SUFU: variants seen among roughly 807,000 people sequenced by gnomAD.
SUFU encodes SUFU negative regulator of hedgehog signaling.
In SUFU, 7 loss-of-function variants were observed where a neutral mutation model predicts 58.9. The observed-to-expected ratio is 0.12, with a 90% CI of 0.07 to 0.22. SUFU has a LOEUF of 0.22. SUFU is among the 10% of genes least tolerant of loss of function. The pLI, the probability that SUFU is intolerant of heterozygous loss-of-function variation, is 1.00. For missense variants in SUFU, 451 were observed against 641.3 expected, an observed-to-expected ratio of 0.70 and a Z score of 3.20; for synonymous variants, 232 against 254.8, an observed-to-expected ratio of 0.91 and a Z score of 0.85.
intron 2 of SUFU, among the ~76,000 whole-genome samples, chr10:102,528,335 C>T (rs964027630): frequency 6.6e-6 from 1 of 151,954 alleles, no homozygotes; most frequent in Non-Finnish European, 1.5e-5. Context: ...TTTGGGAGGC[C>T]GAGGTAGGAG....
intron 11 of SUFU, among the ~76,000 whole-genome samples, chr10:102,627,682 T>G (rs2063798339): frequency 6.6e-6 from 1 of 152,182 alleles, no homozygotes; most frequent in Admixed American, 6.5e-5. Context: ...ACTCCTGCTC[T>G]CGCCTCGGGC....
intron 3 of SUFU, among the ~76,000 whole-genome samples, chr10:102,563,628 T>C (rs943802411): frequency 6.6e-5 from 10 of 151,670 alleles, no homozygotes; most frequent in African/African-American, 2.2e-4. Context: ...GCCAGGATCA[T>C]GCCACTGCAG....
intron 2 of SUFU, among the ~76,000 whole-genome samples, chr10:102,547,763 A>G (rs1564675475): frequency 1.3e-5 from 2 of 152,108 alleles, no homozygotes; most frequent in African/African-American, 2.4e-5. Context: ...TCAAGGCTAC[A>G]GTGAGCCATG....
Position 102,552,310 on chromosome 10 carries a change from A to G in SUFU, c.454+2204A>G, listed in dbSNP as rs988368376. ...ATTAGCCAGGTGTGGTGGCATGCCTATAGTCCCAGCTACTTGGGAGGCTGA... is the reference window on the plus strand; with the variant it reads ...ATTAGCCAGGTGTGGTGGCATGCCTGTAGTCCCAGCTACTTGGGAGGCTGA... On this transcript the variant is annotated intron_variant, in intron 3 of 11. Coordinates refer to ENST00000369902, the MANE Select transcript of SUFU (RefSeq NM_016169.4). Among the ~76,000 whole-genome samples, 14 of 151,828 alleles carry G rather than the reference A, an allele frequency of 9.2e-5. No individual in the cohort carries two copies. In the East Asian group the frequency reaches 2.7e-3, roughly 30 times the overall value.
intron 2 of SUFU, among the ~76,000 whole-genome samples, chr10:102,513,669 G>A (rs1022375389): frequency 6.6e-6 from 1 of 152,214 alleles, no homozygotes; most frequent in Non-Finnish European, 1.5e-5. Flanking sequence ...TGAGGAGGTA[G>A]CGTTTGAGAG....
At chr10:102,515,136 C>T (rs148432053) in intron 2 of SUFU, among the ~76,000 whole-genome samples, 23 of 152,266 alleles carry the variant, frequency 1.5e-4, no homozygotes, top group African/African-American at 4.8e-4. Flanking sequence ...TGCCTCCACC[C>T]GGTTGGTGGA....
intron 3 of SUFU, among the ~76,000 whole-genome samples, chr10:102,554,994 C>T (rs1029043351): frequency 7.9e-5 from 12 of 152,102 alleles, no homozygotes; most frequent in African/African-American, 1.9e-4. Context: ...ATTGGCCGGG[C>T]GCAGTGGCTC....
chr10:102,585,497 T>C (rs536440959), intron 3 of SUFU, among the ~76,000 whole-genome samples: 98 of 152,164 alleles, frequency 6.4e-4, no homozygotes, highest in African/African-American at 2.3e-3. Context: ...TCATTGTGGG[T>C]TTTCTGTTTT....
chr10:102,538,589 C>G (rs562958909), intron 2 of SUFU, among the ~76,000 whole-genome samples: 3 of 151,582 alleles, frequency 2.0e-5, no homozygotes, highest in Admixed American at 6.6e-5. Context: ...GCAGAAAGTA[C>G]AGAGAGCTAC....
intron 2 of SUFU, among the ~76,000 whole-genome samples, chr10:102,548,611 T>G (rs2062878023): frequency 6.6e-6 from 1 of 152,258 alleles, no homozygotes; most frequent in South Asian, 2.1e-4. Context: ...ATATAATTAC[T>G]GAAAATTATA....
At chr10:102,604,140 AG>A (rs2135901070) in intron 8 of SUFU, among the ~76,000 whole-genome samples, 1 of 152,304 alleles carries the variant, frequency 6.6e-6, no homozygotes, top group South Asian at 2.1e-4. Context: ...GGGGAAGTAC[AG>A]TTGCTTGCAC....
intron 2 of SUFU, among the ~76,000 whole-genome samples, chr10:102,543,277 T>C (rs2062822829): frequency 2.0e-5 from 3 of 152,208 alleles, no homozygotes; most frequent in Admixed American, 6.5e-5. Flanking sequence ...TGGTATCTCA[T>C]TGTTTTCATT....
chr10:102,509,477 G>A (rs1383276841), intron 2 of SUFU, among the ~76,000 whole-genome samples, 174 bp downstream of exon 2: 1 of 152,066 alleles, frequency 6.6e-6, no homozygotes, highest in East Asian at 1.9e-4. Flanking sequence ...CCTGATTCCT[G>A]CTTATCTAGT....
At chr10:102,605,078 C>G (rs1178327846) in intron 8 of SUFU, among the ~76,000 whole-genome samples, 1 of 151,976 alleles carries the variant, frequency 6.6e-6, no homozygotes. Context: ...ACCACCACGT[C>G]CAGCTAATTT....
intron 2 of SUFU, among the ~76,000 whole-genome samples, chr10:102,548,043 C>T (rs1056784914): frequency 2.6e-5 from 4 of 151,928 alleles, no homozygotes; most frequent in African/African-American, 9.7e-5. Context: ...GCCAGCTACT[C>T]GGGAGGCTGA....
intron 3 of SUFU, among the ~76,000 whole-genome samples, chr10:102,585,230 C>G (rs577466538): frequency 6.6e-6 from 1 of 152,178 alleles, no homozygotes; most frequent in African/African-American, 2.4e-5. Context: ...TGGTCACTCC[C>G]TATTCCCTCC....
intron 8 of SUFU, among the ~76,000 whole-genome samples, chr10:102,614,336 A>T (rs370829454): frequency 6.6e-6 from 1 of 152,190 alleles, no homozygotes; most frequent in East Asian, 1.9e-4. Context: ...TAGGCAGATC[A>T]CCTGAGGTCA....
At chr10:102,524,699 C>G (rs2062590594) in intron 2 of SUFU, among the ~76,000 whole-genome samples, 1 of 152,196 alleles carries the variant, frequency 6.6e-6, no homozygotes, top group Non-Finnish European at 1.5e-5. Context: ...TACCATCTAG[C>G]TTATTTTACT....
At chr10:102,561,412 C>T (rs1449952572) in intron 3 of SUFU, among the ~76,000 whole-genome samples, 3 of 152,122 alleles carry the variant, frequency 2.0e-5, no homozygotes, top group Non-Finnish European at 4.4e-5. Context: ...CTCTGTCACC[C>T]AGGCTGGAGT....
Sources: allele counts gnomAD v4.1 joint callset (sites outside exome capture counted in the v4.1 genomes callset), GRCh38; gene constraint gnomAD v4.1.1; transcripts MANE v1.5; gene names NCBI Gene and HGNC (gene_info 2026-07-23, HGNC 2026-07-21).